The following RBFOX1 variants were observed in gnomAD, a reference collection of about 807,000 sequenced individuals.
RBFOX1 encodes the protein RNA binding protein fox-1 homolog 1.
Under a neutral mutation model 57.7 loss-of-function variants are expected in RBFOX1, and 8 were observed. That is an observed-to-expected ratio of 0.14 (90% confidence interval 0.08 to 0.25). The LOEUF (loss-of-function observed/expected upper bound fraction) is 0.25, where lower values mean the gene tolerates loss of function less well. Ranked by LOEUF, RBFOX1 falls within the 10% of genes least tolerant of loss-of-function variation. The pLI is 1.00. For missense variants in RBFOX1, 611 were observed against 548.5 expected, an observed-to-expected ratio of 1.11 and a Z score of -1.14; for synonymous variants, 326 against 222.4, an observed-to-expected ratio of 1.47 and a Z score of -4.15.
At chr16:7,035,009 G>A (rs1675054526) in intron 3 of RBFOX1, among the ~76,000 whole-genome samples, 1 of 146,802 alleles carries the variant, frequency 6.8e-6, no homozygotes, top group South Asian at 2.3e-4. Context: ...CACCATGCCT[G>A]GCTAATTTTT....
intron 4 of RBFOX1, among the ~76,000 whole-genome samples, chr16:7,336,394 A>C: frequency 6.6e-6 from 1 of 152,350 alleles, no homozygotes; most frequent in Middle Eastern, 3.4e-3. Context: ...CTATTGGACA[A>C]ATCGTTCCCA....
chr16:6,120,708 TC>T (rs1166075400), intron 1 of RBFOX1, among the ~76,000 whole-genome samples: 4 of 152,216 alleles, frequency 2.6e-5, no homozygotes, highest in African/African-American at 9.6e-5. Flanking sequence ...TCTTTTATGT[TC>T]TTGCTTGTGG....
intron 3 of RBFOX1, among the ~76,000 whole-genome samples, chr16:5,856,370 G>T (rs2057057759): frequency 1.5e-5 from 2 of 137,228 alleles, no homozygotes; most frequent in South Asian, 4.6e-4. Flanking sequence ...TGATTTGTGT[G>T]TGCTTGGTGA....
At chr16:6,013,309 A>G (rs1205404460) in intron 4 of RBFOX1, among the ~76,000 whole-genome samples, 3 of 152,250 alleles carry the variant, frequency 2.0e-5, no homozygotes, top group Non-Finnish European at 2.9e-5. Context: ...ACTTATTATT[A>G]GCCAAGAAAT....
intron 3 of RBFOX1, among the ~76,000 whole-genome samples, chr16:6,941,095 G>C (rs921507184): frequency 6.6e-6 from 1 of 151,950 alleles, no homozygotes; most frequent in African/African-American, 2.4e-5. Context: ...TAGTTAAACA[G>C]GAAAGAGTCT....
chr16:6,565,198 A>G lies in RBFOX1; in HGVS notation c.-63-89405A>G, dbSNP rs149731422. 8.5e-3 allele frequency among the ~76,000 whole-genome samples: 1,287 copies of G among 150,936 alleles called. 9 individuals carry two copies. Among genetic ancestry groups the G allele is most frequent in the Non-Finnish European group, 0.014 (961 of 67,810 alleles). ...GTGATAACAAAATACTACTCATTGT[A>G]GAAAAGACAAAGTACAAATAGCCAT... On this transcript the variant is annotated intron_variant, in intron 2 of 15. Transcript: ENST00000550418.
At position 6,912,339 on chromosome 16, in the gene RBFOX1, A is replaced by G. The variant is rs554594425; in HGVS notation, c.-15-139718A>G. Among the ~76,000 whole-genome samples the G allele has an allele frequency of 1.1e-3, 173 of 152,146 alleles. 1 individual carries two copies. Among genetic ancestry groups the G allele is most frequent in the African/African-American group, 4.0e-3 (166 of 41,534 alleles). On this transcript the variant is annotated intron_variant, in intron 3 of 15. Coordinates refer to ENST00000550418, the MANE Select transcript of RBFOX1 (RefSeq NM_018723.4). ...TCTGGGGTGGAGCTCTGTAATTTAC[A>G]CTTCTAGCAAGTTCCCAGGTGATGT...
intron 3 of RBFOX1, among the ~76,000 whole-genome samples, chr16:7,013,866 C>A (rs1020004721): frequency 6.6e-6 from 1 of 152,100 alleles, no homozygotes; most frequent in African/African-American, 2.4e-5. Context: ...CCATGTTACC[C>A]AGGTCATTCT....
Position 6,049,995 on chromosome 16 carries a change from G to A in RBFOX1, c.-127+30003G>A, listed in dbSNP as rs531209161. On this transcript the variant is annotated intron_variant, in intron 1 of 15. Coordinates refer to ENST00000550418, the MANE Select transcript of RBFOX1 (RefSeq NM_018723.4). ...TTGAGAGTGGAAGTCTTGCTCTGTC[G>A]TTCAGGCTGGGGTACAGCGGCGTGA... 4.1e-4 allele frequency among the ~76,000 whole-genome samples: 58 copies of A among 142,750 alleles called. 1 individual carries two copies. In the South Asian group the frequency reaches 9.9e-3, roughly 24 times the overall value. The allele number at this position is 142,750 out of a possible 152,430, so 93.6% of individuals were successfully genotyped here.
At chr16:6,753,962 A>G (rs2075374997) in intron 3 of RBFOX1, among the ~76,000 whole-genome samples, 1 of 152,126 alleles carries the variant, frequency 6.6e-6, no homozygotes, top group South Asian at 2.1e-4. Flanking sequence ...ATCACTCCTT[A>G]TGGAGCTGAC....
intron 3 of RBFOX1, among the ~76,000 whole-genome samples, chr16:6,819,931 G>A (rs767778434): frequency 6.6e-6 from 1 of 152,112 alleles, no homozygotes; most frequent in Non-Finnish European, 1.5e-5. Context: ...TGTTCCTGCA[G>A]AGGTGATGTC....
intron 4 of RBFOX1, among the ~76,000 whole-genome samples, chr16:6,006,785 G>A (rs776703499): frequency 5.9e-5 from 9 of 152,328 alleles, no homozygotes; most frequent in Admixed American, 2.0e-4. Flanking sequence ...GACAAGAGGC[G>A]ATAAGATACA....
chr16:7,486,597 C>T (rs941314254), intron 4 of RBFOX1, among the ~76,000 whole-genome samples: 3 of 152,274 alleles, frequency 2.0e-5, no homozygotes, highest in Admixed American at 2.0e-4. Context: ...GCGAGCAAAG[C>T]ACCTGGCATT....
intron 3 of RBFOX1, among the ~76,000 whole-genome samples, chr16:5,715,351 A>G (rs933568483): frequency 6.6e-6 from 1 of 151,992 alleles, no homozygotes; most frequent in Non-Finnish European, 1.5e-5. Flanking sequence ...GCCATAACTC[A>G]CCTCTGTCCC....
At chr16:5,595,237 C>A (rs1441554598) in intron 2 of RBFOX1, among the ~76,000 whole-genome samples, 1 of 152,202 alleles carries the variant, frequency 6.6e-6, no homozygotes, top group Non-Finnish European at 1.5e-5. Flanking sequence ...ATATCACCTT[C>A]TAATGCCACC....
chr16:6,846,064 A>C (rs991477166), intron 3 of RBFOX1, among the ~76,000 whole-genome samples: 1 of 152,180 alleles, frequency 6.6e-6, no homozygotes, highest in Non-Finnish European at 1.5e-5. Context: ...CACAGTTGTA[A>C]TCTGTGTCCA....
chr16:6,012,118 G>T (rs1003374506), intron 4 of RBFOX1, among the ~76,000 whole-genome samples: 16 of 152,202 alleles, frequency 1.1e-4, no homozygotes, highest in African/African-American at 3.9e-4. Flanking sequence ...TGGTTGAGAA[G>T]AATCATCACT....
At chr16:7,544,034 A>G (rs908338788) in intron 5 of RBFOX1, among the ~76,000 whole-genome samples, 2 of 152,166 alleles carry the variant, frequency 1.3e-5, no homozygotes, top group Non-Finnish European at 2.9e-5. Context: ...TGTGTATTCT[A>G]AGGTGTTTAT....
At chr16:5,895,662 T>C (rs964517964) in intron 4 of RBFOX1, among the ~76,000 whole-genome samples, 1 of 152,152 alleles carries the variant, frequency 6.6e-6, no homozygotes, top group Non-Finnish European at 1.5e-5. Flanking sequence ...TGTGGGTAAG[T>C]CAATTTAACT....
Sources: allele counts gnomAD v4.1 joint callset (sites outside exome capture counted in the v4.1 genomes callset), GRCh38; gene constraint gnomAD v4.1.1; transcripts MANE v1.5; gene names NCBI Gene and HGNC (gene_info 2026-07-23, HGNC 2026-07-21).